The following KAZN variants were observed in gnomAD, a reference collection of about 807,000 sequenced individuals.
KAZN encodes the protein kazrin, periplakin interacting protein, also known as kazrin.
Under a neutral mutation model 87.4 loss-of-function variants are expected in KAZN, and 40 were observed. The observed-to-expected ratio is 0.46, with a 90% CI of 0.36 to 0.60. The LOEUF is 0.60. Among genes scored for constraint, KAZN ranks in the 20% least tolerant of loss-of-function variants. KAZN has a pLI of 0.00. For missense variants in KAZN, 898 were observed against 1,073.9 expected, an observed-to-expected ratio of 0.84 and a Z score of 2.29; for synonymous variants, 466 against 458.3, an observed-to-expected ratio of 1.02 and a Z score of -0.22.
At chr1:14,289,752 G>C (rs1284772431) in intron 2 of KAZN, among the ~76,000 whole-genome samples, 1 of 152,190 alleles carries the variant, frequency 6.6e-6, no homozygotes, top group Non-Finnish European at 1.5e-5. Flanking sequence ...TTGCCTGTTA[G>C]TTGATGTAGT....
intron 1 of KAZN, among the ~76,000 whole-genome samples, chr1:14,829,108 G>A (rs1197721598): frequency 1.3e-5 from 2 of 152,166 alleles, no homozygotes; most frequent in African/African-American, 4.8e-5. Flanking sequence ...ACAAGCAGGG[G>A]CTCTGTTAGC....
chr1:14,702,437 CA>C (rs1385030521), intron 1 of KAZN, among the ~76,000 whole-genome samples: 1 of 150,842 alleles, frequency 6.6e-6, no homozygotes, highest in African/African-American at 2.4e-5. Flanking sequence ...TAGCAATTCG[CA>C]AAAAGGTTAT....
intron 2 of KAZN, among the ~76,000 whole-genome samples, chr1:14,449,335 C>T (rs1470484010): frequency 6.6e-6 from 1 of 152,274 alleles, no homozygotes; most frequent in East Asian, 1.9e-4. Flanking sequence ...TGGCCTTATC[C>T]ACCTCTACCA....
intron 1 of KAZN, among the ~76,000 whole-genome samples, chr1:14,782,658 G>T (rs1310316939): frequency 6.6e-6 from 1 of 151,616 alleles, no homozygotes; most frequent in Non-Finnish European, 1.5e-5. Flanking sequence ...AATTGAAGAG[G>T]CCTATAAAAG....
intron 2 of KAZN, among the ~76,000 whole-genome samples, chr1:14,368,931 T>G (rs991620650): frequency 1.8e-4 from 28 of 152,196 alleles, no homozygotes; most frequent in Non-Finnish European, 5.9e-5. Context: ...TAATAGTACC[T>G]GTGTCAGGCA....
chr1:13,901,084 T>G (rs960373476), intron 1 of KAZN, among the ~76,000 whole-genome samples: 3 of 151,944 alleles, frequency 2.0e-5, no homozygotes, highest in African/African-American at 7.2e-5. Flanking sequence ...ACCTCAACAT[T>G]TTTTCTTTTC....
At chr1:14,475,257 C>T (rs1482767597) in intron 2 of KAZN, among the ~76,000 whole-genome samples, 1 of 152,176 alleles carries the variant, frequency 6.6e-6, no homozygotes, top group Non-Finnish European at 1.5e-5. Flanking sequence ...GACCAATCTC[C>T]TTTTGAACCT....
chr1:14,399,217 A>G (rs1459096840), intron 2 of KAZN, among the ~76,000 whole-genome samples: 1 of 151,674 alleles, frequency 6.6e-6, no homozygotes, highest in Admixed American at 6.6e-5. Context: ...AGGTCTCACT[A>G]TGTTGCGCAG....
chr1:14,013,100 C>A (rs753541261), intron 1 of KAZN, among the ~76,000 whole-genome samples: 1 of 152,158 alleles, frequency 6.6e-6, no homozygotes. Flanking sequence ...TCTGTGCACC[C>A]CTGAGTCCAC....
At chr1:14,884,116 G>A (rs768330541) in intron 1 of KAZN, among the ~76,000 whole-genome samples, 36 of 152,084 alleles carry the variant, frequency 2.4e-4, no homozygotes, top group Admixed American at 1.1e-3. Context: ...AGTTCAGGCC[G>A]GGCGCGGGGG....
chr1:14,252,210 CTTCTCCATTTGGT>C (rs1650108755), intron 2 of KAZN, among the ~76,000 whole-genome samples: 1 of 152,168 alleles, frequency 6.6e-6, no homozygotes, highest in Non-Finnish European at 1.5e-5. Flanking sequence ...CCTAAGGAGT[CTTCTCCATTTGGT>C]TTCTGTTTTG....
intron 1 of KAZN, among the ~76,000 whole-genome samples, chr1:14,728,635 C>G (rs753436993): frequency 1.3e-5 from 2 of 152,212 alleles, no homozygotes; most frequent in Non-Finnish European, 2.9e-5. Context: ...TTACAAGACA[C>G]TTGGCTTCCC....
chr1:13,992,294 T>TTTA (rs200422673), intron 1 of KAZN, among the ~76,000 whole-genome samples: 37 of 151,386 alleles, frequency 2.4e-4, no homozygotes, highest in Non-Finnish European at 4.0e-4. Context: ...TGAATCTTTA[T>TTTA]TTTTTTTTCT....
Position 14,197,122 on chromosome 1 carries a change from G to A in KAZN, c.249+16530G>A, listed in dbSNP as rs539931370. Among the ~76,000 whole-genome samples, 217 of 152,048 alleles carry A rather than the reference G, an allele frequency of 1.4e-3. 1 individual carries two copies. The highest frequency in any genetic ancestry group is 4.9e-3 in the African/African-American group (204 of 41,468). On this transcript the variant is annotated intron_variant, in intron 2 of 16. Transcript: ENST00000636203. ...TGAGTTCAGGAAAGAATGGGGAGGG[G>A]GGTAGAGATGACTTGTTAGTGTTTT...
chr1:14,924,348 C>T (rs1318829789), intron 1 of KAZN: 2 of 988,128 alleles, frequency 2.0e-6, no homozygotes, highest in Non-Finnish European at 2.4e-6. Flanking sequence ...CTGGTAGCGT[C>T]CCCCCGGGCA....
chr1:14,485,763 C>A (rs148137659), intron 2 of KAZN, among the ~76,000 whole-genome samples: 1 of 151,968 alleles, frequency 6.6e-6, no homozygotes, highest in South Asian at 2.1e-4. Flanking sequence ...CATGCTGGTG[C>A]GTGCCTGTAG....
intron 2 of KAZN, among the ~76,000 whole-genome samples, chr1:14,353,531 T>C (rs1323836343): frequency 6.6e-6 from 1 of 152,198 alleles, no homozygotes; most frequent in Non-Finnish European, 1.5e-5. Flanking sequence ...CGTCACTTTC[T>C]ATGTAGAAAA....
chr1:14,285,149 G>A (rs1020884196), intron 2 of KAZN, among the ~76,000 whole-genome samples: 2 of 152,142 alleles, frequency 1.3e-5, no homozygotes, highest in Admixed American at 6.5e-5. Flanking sequence ...GTGCCCAGTC[G>A]GTAAAGTGTT....
At chr1:14,107,330 T>G (rs372408565) in intron 1 of KAZN, among the ~76,000 whole-genome samples, 1 of 151,784 alleles carries the variant, frequency 6.6e-6, no homozygotes. Flanking sequence ...TGTGTCACCA[T>G]TTTTTAGTCT....
Sources: allele counts gnomAD v4.1 joint callset (sites outside exome capture counted in the v4.1 genomes callset), GRCh38; gene constraint gnomAD v4.1.1; transcripts MANE v1.5; gene names NCBI Gene and HGNC (gene_info 2026-07-23, HGNC 2026-07-21).